The following DYNC2H1 variants were observed in gnomAD, a reference collection of about 807,000 sequenced individuals.
DYNC2H1 encodes the protein cytoplasmic dynein 2 heavy chain 1.
In DYNC2H1, 410 loss-of-function variants were observed where a neutral mutation model predicts 570.0. The observed-to-expected ratio is 0.72, with a 90% confidence interval of 0.66 to 0.78. DYNC2H1 has a LOEUF of 0.78. DYNC2H1 is among the 30% of genes least tolerant of loss of function. The probability of loss-of-function intolerance (pLI) is 0.00; values close to 1 mark genes in which losing one functional copy is unlikely to be tolerated. For missense variants in DYNC2H1, 4,865 were observed against 5,046.4 expected (o/e 0.96, Z 1.09); for synonymous variants, 1,688 against 1,677.6 (o/e 1.01, Z -0.15).
intron 88 of DYNC2H1, among the ~76,000 whole-genome samples, chr11:103,477,099 G>C (rs749985964): frequency 1.3e-5 from 2 of 152,020 alleles, no homozygotes; most frequent in East Asian, 3.8e-4. Flanking sequence ...ACTGATGTTC[G>C]GAGAGTAACC....
intron 13 of DYNC2H1, among the ~76,000 whole-genome samples, chr11:103,131,848 A>C (rs1477311042): frequency 6.6e-6 from 1 of 152,102 alleles, no homozygotes; most frequent in South Asian, 2.1e-4. Flanking sequence ...GGCTCCATTC[A>C]AGATTTCAAA....
chr11:103,152,423 A>T (rs1161692942), intron 21 of DYNC2H1, 138 bp downstream of exon 21: 1 of 724,280 alleles, frequency 1.4e-6, no homozygotes, highest in South Asian at 2.2e-5. Context: ...GACTACTTTT[A>T]TAGTGAAATA....
intron 84 of DYNC2H1, among the ~76,000 whole-genome samples, chr11:103,420,356 C>T (rs1943440313): frequency 1.3e-5 from 2 of 152,158 alleles, no homozygotes; most frequent in South Asian, 4.1e-4. Flanking sequence ...GGCCAACATT[C>T]AAATTCAGGA....
rs1310784166 is a variant in DYNC2H1, at chr11:103,245,845, C to T, written c.10042+471C>T. Among the ~76,000 whole-genome samples the T allele has an allele frequency of 1.3e-5, 2 of 152,006 alleles. No individual in the cohort carries two copies. The highest frequency in any genetic ancestry group is 4.8e-5 in the African/African-American group (2 of 41,402). The stretch of plus-strand genomic sequence containing the variant: ...ATTCTTTTCTGCATAGGAACCCAGC[C>T]CAGTCTTGGATGATTAGAAGGCTAT... On this transcript the variant is annotated intron_variant, in intron 65 of 88. Transcript: ENST00000375735. The surrounding 1 kb of genome is among the most constrained non-coding windows in gnomAD (Gnocchi z 4.5).
At chr11:103,165,023 CTGA>C (rs1381962777) in intron 30 of DYNC2H1, among the ~76,000 whole-genome samples, 1 of 152,144 alleles carries the variant, frequency 6.6e-6, no homozygotes, top group Non-Finnish European at 1.5e-5. Context: ...ATTAAAGAAA[CTGA>C]TGAGTTTCAT....
rs930574395 is a variant in DYNC2H1 at position 103,461,418 on chromosome 11, T to A, written c.12648+5062T>A. 1.3e-5 allele frequency among the ~76,000 whole-genome samples: 2 copies of A among 152,244 alleles called. No homozygotes were observed. Among genetic ancestry groups the A allele is most frequent in the Non-Finnish European group, 1.5e-5 (1 of 68,044 alleles). The stretch of plus-strand genomic sequence containing the variant: ...TACTTGAGAGAACATATTTATGTAT[T>A]GATTTTCAGTTCCTGAACATGGCCC... On this transcript the variant is annotated intron_variant, in intron 87 of 88. Transcript: ENST00000375735. The surrounding 1 kb of genome is among the most constrained non-coding windows in gnomAD (Gnocchi z 4.8).
intron 83 of DYNC2H1, among the ~76,000 whole-genome samples, chr11:103,371,664 G>GA (rs1345748784): frequency 3.3e-5 from 5 of 151,936 alleles, no homozygotes; most frequent in African/African-American, 1.2e-4. Flanking sequence ...AGTACTGAAT[G>GA]AAAAAAATAT....
At chr11:103,140,081 C>T (rs1859817820) in intron 17 of DYNC2H1, among the ~76,000 whole-genome samples, 1 of 152,090 alleles carries the variant, frequency 6.6e-6, no homozygotes, top group Admixed American at 6.6e-5. Context: ...GATCTTCCTC[C>T]ATCCTTTTAT....
intron 30 of DYNC2H1, 43 bp from the exon 31 acceptor site, chr11:103,165,855 G>C (rs1861283440): frequency 1.4e-6 from 2 of 1,386,782 alleles, no homozygotes; most frequent in African/African-American, 1.5e-5. Flanking sequence ...ATATTTCTAA[G>C]TAAATTCACC....
At chr11:103,430,497 T>G (rs879499314) in intron 84 of DYNC2H1, among the ~76,000 whole-genome samples, 3 of 152,122 alleles carry the variant, frequency 2.0e-5, no homozygotes, top group Non-Finnish European at 2.9e-5. Flanking sequence ...CTCACCTCCC[T>G]GATTGCAGTT....
chr11:103,372,523 C>G (rs1156575656), intron 83 of DYNC2H1, among the ~76,000 whole-genome samples: 1 of 152,010 alleles, frequency 6.6e-6, no homozygotes, highest in Non-Finnish European at 1.5e-5. Context: ...TAATGTGTGT[C>G]ATTTTTATTC....
At chr11:103,162,322 C>T (rs1939836) in intron 29 of DYNC2H1, among the ~76,000 whole-genome samples, 8,884 of 152,024 alleles carry the variant, frequency 0.058, 882 homozygotes, top group African/African-American at 0.2. Context: ...TATTTAAGTA[C>T]GCAATGATGA....
At chr11:103,352,931 ATGT>A (rs752006888) in intron 82 of DYNC2H1, among the ~76,000 whole-genome samples, 4 of 152,232 alleles carry the variant, frequency 2.6e-5, no homozygotes, top group Non-Finnish European at 4.4e-5. Context: ...GGTAAAGATA[ATGT>A]TGTACATGTA....
At chr11:103,221,140 A>ACTAC (rs1216229041) in intron 57 of DYNC2H1, among the ~76,000 whole-genome samples, 2 of 152,128 alleles carry the variant, frequency 1.3e-5, no homozygotes, top group Admixed American at 1.3e-4. Context: ...AGAGTCTTGT[A>ACTAC]CTACCGAGAG....
At chr11:103,359,203 T>C (rs570689445) in intron 83 of DYNC2H1, among the ~76,000 whole-genome samples, 49 of 152,368 alleles carry the variant, frequency 3.2e-4, no homozygotes, top group African/African-American at 1.2e-3. Context: ...GCACAACTTA[T>C]ATCTCTGTTT....
At position 103,176,351 on chromosome 11, in the gene DYNC2H1, T is replaced by C; in HGVS notation, c.5791T>C (p.Leu1931=). The part of the protein sequence containing the change: ...LIKDVFPGIE[L]KEVEYDELSA... ...AAAAGATGTCTTTCCGGGAATTGAA[T>C]TGAAAGAAGTGGAATATGATGAACT... Residue 1931 remains leucine (L), a synonymous_variant, in exon 37 of 89, where the codon TTG becomes CTG. Transcript: ENST00000375735. 6.3e-7 allele frequency: 1 copy of C among 1,590,244 alleles called. No individual in the cohort carries two copies. The highest frequency in any genetic ancestry group is 1.8e-5 in the Admixed American group (1 of 57,026).
At chr11:103,291,428 C>T (rs961300800) in intron 75 of DYNC2H1, among the ~76,000 whole-genome samples, 1 of 145,540 alleles carries the variant, frequency 6.9e-6, no homozygotes, top group Admixed American at 7.1e-5. Flanking sequence ...ACAGAGCAAG[C>T]CTCCATCTCA....
intron 42 of DYNC2H1, 79 bp from the exon 43 acceptor site, chr11:103,187,261 T>C (rs540267881): frequency 1.3e-6 from 2 of 1,552,176 alleles, no homozygotes; most frequent in East Asian, 2.3e-5. Context: ...ATTTATGAGA[T>C]AGAAATTTCT....
chr11:103,320,896 T>C, intron 80 of DYNC2H1, 133 bp from the exon 81 acceptor site: 1 of 719,174 alleles, frequency 1.4e-6, no homozygotes, highest in Non-Finnish European at 2.2e-6. Context: ...TATTTACTAC[T>C]ATTAATAGTC....
Sources: allele counts gnomAD v4.1 joint callset (sites outside exome capture counted in the v4.1 genomes callset), GRCh38; gene constraint gnomAD v4.1.1; non-coding constraint Gnocchi (gnomAD v3.1); transcripts MANE v1.5; gene names NCBI Gene and HGNC (gene_info 2026-07-23, HGNC 2026-07-21).